The following FNBP1 variants were observed in gnomAD, a reference collection of about 807,000 sequenced individuals.
FNBP1 encodes the protein formin binding protein 1.
Under a neutral mutation model 90.6 loss-of-function variants are expected in FNBP1, and 26 were observed. That is an observed-to-expected ratio of 0.29 (90% CI 0.21 to 0.40). FNBP1 has a LOEUF of 0.40. FNBP1 is among the 10% of genes least tolerant of loss of function. FNBP1 has a pLI of 1.00. For synonymous variants in FNBP1, 260 were observed against 265.2 expected, an observed-to-expected ratio of 0.98 and a Z score of 0.19; for missense variants, 635 against 768.0, an observed-to-expected ratio of 0.83 and a Z score of 2.05.
intron 2 of FNBP1, among the ~76,000 whole-genome samples, chr9:129,993,922 GC>G (rs1169222061): frequency 6.6e-6 from 1 of 152,142 alleles, no homozygotes; most frequent in Non-Finnish European, 1.5e-5. Flanking sequence ...ACTGCGCCCG[GC>G]CCGAAGTACT....
At chr9:129,958,667 T>C in intron 4 of FNBP1, 114 bp from the exon 5 acceptor site, 3 of 814,080 alleles carry the variant, frequency 3.7e-6, no homozygotes, top group Non-Finnish European at 5.9e-6. Context: ...CTAGTATGTA[T>C]GCTCCAAAGA....
Position 129,994,937 on chromosome 9 carries a change from T to C in FNBP1, c.46A>G (p.Lys16Glu), listed in dbSNP as rs1451856214. The change falls in exon 2 of 17, where the codon AAA (lysine) becomes GAA (glutamate). Residue 16 changes from lysine (K) to glutamate (E), a missense_variant. Lys to Glu is a moderately conservative substitution (Grantham distance 56). Transcript: ENST00000446176. ...ATATCAATTCCCCACTGTGTGTGTT[T>C]TTCTAAGTTGTCAAACTGATCCTGT... Reference protein sequence around the residue: ...ELWDQFDNLEKHTQWGIDILE... With the variant: ...ELWDQFDNLEEHTQWGIDILE... 3 of 1,593,406 alleles carry C rather than the reference T, an allele frequency of 1.9e-6. No individual in the cohort carries two copies. Among genetic ancestry groups the C allele is most frequent in the Non-Finnish European group, 2.6e-6 (3 of 1,164,046 alleles).
At chr9:129,901,554 T>C (rs567564426) in intron 13 of FNBP1, among the ~76,000 whole-genome samples, 1 of 151,426 alleles carries the variant, frequency 6.6e-6, no homozygotes, top group Admixed American at 6.6e-5. Context: ...AGAATAATAA[T>C]AAGAAAAGGA....
intron 1 of FNBP1, among the ~76,000 whole-genome samples, chr9:130,001,902 C>T (rs2054905426): frequency 6.6e-6 from 1 of 152,104 alleles, no homozygotes; most frequent in South Asian, 2.1e-4. Context: ...ATGGTGGGCG[C>T]CTGTAATCCC....
Position 129,890,770 on chromosome 9 carries a change from C to T in FNBP1, c.1847-224G>A, listed in dbSNP as rs2035027866. Among the ~76,000 whole-genome samples, 1 of 152,138 alleles carries T rather than the reference C, an allele frequency of 6.6e-6. No individual in the cohort carries two copies. The highest frequency in any genetic ancestry group is 1.5e-5 in the Non-Finnish European group (1 of 68,038). On this transcript the variant is annotated intron_variant, in intron 16 of 16. Coordinates refer to ENST00000446176, the MANE Select transcript of FNBP1 (RefSeq NM_015033.3). This position sits in a 1 kb window ranked among gnomAD's most constrained non-coding sequence, Gnocchi z 5.8. ...CTCTCTAGCCTTTAGCTGGTCTTTCCTTCAGAGTTAAGAGAAGCCCAAACA... is the reference window on the plus strand; with the variant it reads ...CTCTCTAGCCTTTAGCTGGTCTTTCTTTCAGAGTTAAGAGAAGCCCAAACA...
intron 4 of FNBP1, among the ~76,000 whole-genome samples, chr9:129,960,439 C>CT (rs1233894698): frequency 3.3e-5 from 5 of 149,748 alleles, no homozygotes; most frequent in African/African-American, 1.2e-4. Context: ...AAAATTGCTG[C>CT]TATAAACACT....
chr9:130,025,075 G>C (rs1204466860), intron 1 of FNBP1, among the ~76,000 whole-genome samples: 1 of 152,024 alleles, frequency 6.6e-6, no homozygotes, highest in Non-Finnish European at 1.5e-5. Flanking sequence ...AGCTACTCAG[G>C]AGACTGAGGC....
upstream of FNBP1, chr9:130,044,730 G>A (rs1479005183): frequency 6.6e-6 from 1 of 152,184 alleles, no homozygotes; most frequent in Admixed American, 6.5e-5. Flanking sequence ...GAGGTCAGGA[G>A]TTTGAGAGCA....
intron 12 of FNBP1, among the ~76,000 whole-genome samples, chr9:129,905,294 G>GTGTGTGTATATATATA (rs374989661): frequency 1.5e-5 from 2 of 132,336 alleles, no homozygotes; most frequent in Non-Finnish European, 3.1e-5. Context: ...GTGTGTGTGT[G>GTGTGTGTATATATATA]TATATATATA....
chr9:129,897,219 A>G (rs978047128), intron 15 of FNBP1, among the ~76,000 whole-genome samples: 1 of 152,078 alleles, frequency 6.6e-6, no homozygotes, highest in Non-Finnish European at 1.5e-5. Context: ...GAATATATGC[A>G]GTTTGTCAAT....
chr9:130,046,302 T>C (rs2060059330), upstream of FNBP1, among the ~76,000 whole-genome samples: 1 of 152,016 alleles, frequency 6.6e-6, no homozygotes, highest in African/African-American at 2.4e-5. Context: ...CTCCGGGGAC[T>C]GGGGAGAGGC....
chr9:129,968,933 CCTGGTTCTCCTT>C (rs566991354), intron 4 of FNBP1, among the ~76,000 whole-genome samples: 249 of 152,294 alleles, frequency 1.6e-3, no homozygotes, highest in African/African-American at 5.9e-3. Flanking sequence ...GCAAGAACCT[CCTGGTTCTCCTT>C]CTGGAGCTAT....
intron 4 of FNBP1, among the ~76,000 whole-genome samples, chr9:129,972,639 C>A (rs1588986534): frequency 6.6e-6 from 1 of 151,654 alleles, no homozygotes; most frequent in South Asian, 2.1e-4. Context: ...TCAAGTGATT[C>A]TCCTGCCTCA....
rs748906431 is a variant in FNBP1, at chr9:129,900,564, T to A, written c.1429-17A>T. The A allele has an allele frequency of 2.0e-6, 3 of 1,529,028 alleles. No homozygotes were observed. The East Asian group carries it at 7.2e-5, about 37-fold the overall frequency. The allele number at this position is 1,529,028 out of a possible 1,614,324, so 94.7% of individuals were successfully genotyped here. A position where few individuals can be genotyped will look rare whatever the true frequency, so the allele number is the denominator to read the frequency against. On this transcript the variant is annotated splice_polypyrimidine_tract_variant and intron_variant, in intron 13 of 16. Coordinates refer to ENST00000446176, the MANE Select transcript of FNBP1 (RefSeq NM_015033.3). This position sits in a 1 kb window ranked among gnomAD's most constrained non-coding sequence, Gnocchi z 4.1. ...CAGCCAGGCCTGGAGACAAAAGCAA[T>A]GAGAGACTCCAACCTAAGGCCATCT...
At chr9:130,001,377 T>C (rs527959499) in intron 1 of FNBP1, among the ~76,000 whole-genome samples, 14 of 151,870 alleles carry the variant, frequency 9.2e-5, no homozygotes, top group African/African-American at 3.1e-4. Context: ...CCAGTGCAAT[T>C]TGGAGCCACA....
chr9:129,902,976 CA>C lies in FNBP1; in HGVS notation c.1320del (p.Asp440GlufsTer4), dbSNP rs753134934. 6.3e-7 allele frequency: 1 copy of C among 1,592,320 alleles called. No individual in the cohort carries two copies. The highest frequency in any genetic ancestry group is 8.6e-7 in the Non-Finnish European group (1 of 1,168,572). ...DQRDAITKMK[D>X]VYLKNPQMGD... ...CCCATCTGAGGATTCTTTAGGTAGACATCTTTCATTTTTGTTATGGCATCTC... is the reference window on the plus strand; with the variant it reads ...CCCATCTGAGGATTCTTTAGGTAGACTCTTTCATTTTTGTTATGGCATCTC... On this transcript the variant is annotated frameshift_variant, in exon 13 of 17. Transcript: ENST00000446176. LOFTEE classifies it high-confidence loss of function.
In FNBP1 at chr9:129,978,417, T is replaced by C. The variant is rs375351448; in HGVS notation, c.345+48A>G. The C allele has an allele frequency of 4.6e-5, 68 of 1,491,986 alleles. No homozygotes were observed. In the African/African-American group the frequency reaches 7.2e-4, roughly 16 times the overall value. The allele number at this position is 1,491,986 out of a possible 1,614,324, so 92.4% of individuals were successfully genotyped here. On this transcript the variant is annotated intron_variant, in intron 4 of 16. Coordinates refer to ENST00000446176, the MANE Select transcript of FNBP1 (RefSeq NM_015033.3). The stretch of plus-strand genomic sequence containing the variant: ...TTTAATCTTCTAGGGATATTCCCAC[T>C]GTGTTTGGTCCATCTTTTAGGAAGA...
chr9:129,997,116 G>C (rs936878720), intron 1 of FNBP1, among the ~76,000 whole-genome samples: 1 of 152,000 alleles, frequency 6.6e-6, no homozygotes, highest in Non-Finnish European at 1.5e-5. Flanking sequence ...CTTGAAGCCA[G>C]GAGTTCGAGA....
At chr9:129,959,108 C>T (rs540744269) in intron 4 of FNBP1, among the ~76,000 whole-genome samples, 2 of 151,282 alleles carry the variant, frequency 1.3e-5, no homozygotes, top group Non-Finnish European at 2.9e-5. Context: ...TCACAGAGTT[C>T]CCTTTACAGC....
Sources: gnomAD v4.1 joint callset for allele counts (sites outside exome capture counted in the v4.1 genomes callset) on GRCh38, gnomAD v4.1.1 for gene constraint, Gnocchi (gnomAD v3.1) non-coding constraint, MANE v1.5 for transcripts, NCBI Gene and HGNC (gene_info 2026-07-23, HGNC 2026-07-21) for gene names.